The following GRIP1 variants were observed in gnomAD, a reference collection of about 807,000 sequenced individuals.
GRIP1 encodes the protein glutamate receptor-interacting protein 1.
GRIP1 carries 45 observed loss-of-function variants against 129.9 expected under a neutral mutation model. That is an observed-to-expected ratio of 0.35 (90% CI 0.27 to 0.44). The LOEUF is 0.44. Among genes scored for constraint, GRIP1 ranks in the 20% least tolerant of loss-of-function variants. The pLI is 1.00. For missense variants in GRIP1, 1,196 were observed against 1,396.8 expected, an observed-to-expected ratio of 0.86 and a Z score of 2.29; for synonymous variants, 530 against 520.8, an observed-to-expected ratio of 1.02 and a Z score of -0.24.
intron 1 of GRIP1, among the ~76,000 whole-genome samples, chr12:66,883,375 A>C (rs903208405): frequency 6.6e-6 from 1 of 152,156 alleles, no homozygotes; most frequent in Non-Finnish European, 1.5e-5. Flanking sequence ...TACCCATCAA[A>C]ATACCCAACC....
chr12:66,539,518 A>C (rs2061705605), intron 3 of GRIP1, among the ~76,000 whole-genome samples: 1 of 148,298 alleles, frequency 6.7e-6, no homozygotes, highest in African/African-American at 2.5e-5. Context: ...TATTTTTAAA[A>C]GCACCATAAA....
chr12:66,907,026 C>A (rs1163187695), intron 1 of GRIP1, among the ~76,000 whole-genome samples: 1 of 152,198 alleles, frequency 6.6e-6, no homozygotes, highest in South Asian at 2.1e-4. Flanking sequence ...AGTTTTTCTA[C>A]TATGGTCCTT....
At chr12:66,381,203 T>C in intron 19 of GRIP1, among the ~76,000 whole-genome samples, 1 of 152,194 alleles carries the variant, frequency 6.6e-6, no homozygotes, top group Non-Finnish European at 1.5e-5. Context: ...CACCAAGGAT[T>C]AGAAGACCTT....
chr12:66,531,347 A>C, intron 4 of GRIP1, among the ~76,000 whole-genome samples: 1 of 146,998 alleles, frequency 6.8e-6, no homozygotes, highest in Non-Finnish European at 1.5e-5. Flanking sequence ...ATATATACAC[A>C]CACAGGCAGA....
chr12:67,005,233 A>T (rs1453066042), intron 1 of GRIP1, among the ~76,000 whole-genome samples: 2 of 152,188 alleles, frequency 1.3e-5, no homozygotes, highest in Non-Finnish European at 2.9e-5. Context: ...CAAATATTTT[A>T]AAAACTAGTT....
At chr12:66,378,640 G>C (rs142822850) in intron 20 of GRIP1, among the ~76,000 whole-genome samples, 2,058 of 151,882 alleles carry the variant, frequency 0.014, 112 homozygotes, top group Admixed American at 0.09. Context: ...CCAGCTACTC[G>C]GGAGGCTGAG....
intron 1 of GRIP1, among the ~76,000 whole-genome samples, chr12:67,058,113 A>G (rs1385980637): frequency 2.0e-5 from 3 of 152,260 alleles, no homozygotes; most frequent in Admixed American, 2.0e-4. Context: ...ATCAGACATC[A>G]GAAGATATGA....
chr12:66,586,433 G>A (rs1483386697), intron 2 of GRIP1, among the ~76,000 whole-genome samples: 6 of 151,910 alleles, frequency 3.9e-5, no homozygotes, highest in Non-Finnish European at 8.8e-5. Flanking sequence ...AACCTCTGAG[G>A]CTTAGTATGC....
intron 7 of GRIP1, among the ~76,000 whole-genome samples, chr12:66,475,551 A>G (rs2059579583): frequency 6.6e-6 from 1 of 152,202 alleles, no homozygotes; most frequent in African/African-American, 2.4e-5. Flanking sequence ...CACTGCACCT[A>G]TTCCAAAATT....
chr12:66,969,770 A>C (rs897714931), intron 1 of GRIP1, among the ~76,000 whole-genome samples: 1 of 151,418 alleles, frequency 6.6e-6, no homozygotes. Flanking sequence ...GTTTCTATTG[A>C]CCTATCTTCA....
At chr12:66,801,893 G>A (rs760507928) in intron 1 of GRIP1, among the ~76,000 whole-genome samples, 1 of 152,036 alleles carries the variant, frequency 6.6e-6, no homozygotes, top group Non-Finnish European at 1.5e-5. Flanking sequence ...AAGCCGTCTC[G>A]AGAAACACAT....
intron 2 of GRIP1, among the ~76,000 whole-genome samples, chr12:66,567,406 C>G (rs1297239696): frequency 1.3e-5 from 2 of 151,838 alleles, no homozygotes; most frequent in Non-Finnish European, 2.9e-5. Context: ...CAAAACTGAC[C>G]ACATAGTTGG....
At chr12:66,528,491 G>C (rs1376698067) in intron 5 of GRIP1, among the ~76,000 whole-genome samples, 1 of 152,080 alleles carries the variant, frequency 6.6e-6, no homozygotes. Flanking sequence ...TATTATCAAT[G>C]CCATACTATA....
rs146678703 is a variant in GRIP1, at chr12:66,825,952, T to C, written c.59-229025A>G. 3.1e-3 allele frequency among the ~76,000 whole-genome samples: 469 copies of C among 152,320 alleles called. 1 individual carries two copies. The highest frequency in any genetic ancestry group is 6.7e-3 in the Admixed American group (103 of 15,294). ...ATACCATTTGACACAGCAATCTCAT[T>C]ACTGGATATATACCCAAAGGATTAT... On this transcript the variant is annotated intron_variant, in intron 1 of 1. Coordinates refer to the GRIP1 transcript ENST00000643019.
intron 1 of GRIP1, among the ~76,000 whole-genome samples, chr12:66,825,052 A>G (rs1921011): frequency 0.086 from 13,075 of 152,096 alleles, 864 homozygotes; most frequent in East Asian, 0.23. Flanking sequence ...TCAATTTTTA[A>G]CTAGTCCAAT....
chr12:66,469,754 A>C (rs760682912), intron 7 of GRIP1, among the ~76,000 whole-genome samples: 11 of 152,212 alleles, frequency 7.2e-5, no homozygotes, highest in Non-Finnish European at 1.3e-4. Flanking sequence ...TCAGTAGCCC[A>C]CAGTTTCACT....
In GRIP1 at chr12:66,775,545, T is replaced by C. The variant is rs185681131; in HGVS notation, c.-420+28508A>G. Reference sequence around the variant, plus strand: ...AGCTTTAATCTAACTGGTTCTGGGATGGAATCTATTACAAAATAGATCCTA... The same window carrying C: ...AGCTTTAATCTAACTGGTTCTGGGACGGAATCTATTACAAAATAGATCCTA... On this transcript the variant is annotated intron_variant, in intron 1 of 4. Coordinates refer to the GRIP1 transcript ENST00000538373. Among the ~76,000 whole-genome samples, 498 of 152,324 alleles carry C rather than the reference T, an allele frequency of 3.3e-3. 4 individuals carry two copies. The highest frequency in any genetic ancestry group is 5.1e-3 in the Non-Finnish European group (350 of 68,020).
In GRIP1 at chr12:66,803,735, A is replaced by G. The variant is rs150842360; in HGVS notation, c.-420+318T>C. On this transcript the variant is annotated intron_variant, in intron 1 of 4. Transcript: ENST00000538373. ...TTCTGAAAGAAAAAGGAAAGCAACA[A>G]CTACAACAGAGCATATTCTGGCCAC... Among the ~76,000 whole-genome samples, 252 of 152,352 alleles carry G rather than the reference A, an allele frequency of 1.7e-3. 2 individuals are homozygous for G. Among genetic ancestry groups the G allele is most frequent in the African/African-American group, 4.7e-3 (196 of 41,592 alleles).
At chr12:66,764,413 T>A (rs1274478187) in intron 1 of GRIP1, among the ~76,000 whole-genome samples, 1 of 152,214 alleles carries the variant, frequency 6.6e-6, no homozygotes, top group African/African-American at 2.4e-5. Context: ...AACTGCTTTT[T>A]CATTTATGAT....
Sources: gnomAD v4.1 joint callset for allele counts (sites outside exome capture counted in the v4.1 genomes callset) on GRCh38, gnomAD v4.1.1 for gene constraint, MANE v1.5 for transcripts, NCBI Gene and HGNC (gene_info 2026-07-23, HGNC 2026-07-21) for gene names.